COG5: variants seen among roughly 807,000 people sequenced by gnomAD.
The protein encoded by COG5 is component of oligomeric golgi complex 5, also known as conserved oligomeric Golgi complex subunit 5.
A neutral mutation model predicts 110.4 loss-of-function variants in COG5; 86 were observed. The observed-to-expected ratio is 0.78, with a 90% CI of 0.65 to 0.93. The LOEUF (loss-of-function observed/expected upper bound fraction) is 0.93. Among genes scored for constraint, COG5 ranks in the 40% least tolerant of loss-of-function variants. COG5 has a pLI of 0.00. For synonymous variants in COG5, 360 were observed against 334.6 expected, an observed-to-expected ratio of 1.08 and a Z score of -0.83; for missense variants, 1,077 against 987.0, an observed-to-expected ratio of 1.09 and a Z score of -1.22.
At chr7:107,302,940 CA>C (rs1448321959) in intron 11 of COG5, among the ~76,000 whole-genome samples, 1 of 152,190 alleles carries the variant, frequency 6.6e-6, no homozygotes, top group Non-Finnish European at 1.5e-5. Flanking sequence ...AAGTTCTAAA[CA>C]TATTTGTTTG....
chr7:107,324,524 G>GT lies in COG5; in HGVS notation c.1027-4dup. ...TAGAAAATTTCCGGTTGTCCATCCT[G>GT]TGAAGAACAAACAAAAATTTTTTAA... On this transcript the variant is annotated splice_region_variant and splice_polypyrimidine_tract_variant and intron_variant, in intron 10 of 21. Coordinates refer to ENST00000297135, the MANE Select transcript of COG5 (RefSeq NM_006348.5). The GT allele has an allele frequency of 1.3e-6, 2 of 1,589,092 alleles. No individual in the cohort carries two copies. Among genetic ancestry groups the GT allele is most frequent in the African/African-American group, 1.3e-5 (1 of 74,520 alleles).
chr7:107,411,713 A>T (rs6970248), intron 7 of COG5, among the ~76,000 whole-genome samples: 5,109 of 152,266 alleles, frequency 0.034, 296 homozygotes, highest in African/African-American at 0.12. Flanking sequence ...CAGAAGTCAA[A>T]TAAGTACCTT....
intron 11 of COG5, among the ~76,000 whole-genome samples, chr7:107,309,036 C>T (rs1807983121): frequency 6.9e-6 from 1 of 145,678 alleles, no homozygotes; most frequent in African/African-American, 2.5e-5. Context: ...GTGGAAAGAC[C>T]ACAACATAAG....
chr7:107,563,884 C>A lies in COG5; in HGVS notation c.13G>T (p.Gly5Cys). Residue 5 changes from glycine (G) to cysteine (C), a missense_variant, in exon 1 of 22, where the codon GGC becomes TGC. Gly to Cys is a radical substitution (Grantham distance 159). Coordinates refer to ENST00000297135, the MANE Select transcript of COG5 (RefSeq NM_006348.5). The part of the protein sequence containing the change: MEGG[G>C]GSVAVAGLGA... ...AGGCCAGCTACAGCGACGCTGCCGCCGCCACCTTCCATGTTGGCAGGTGCC... is the reference window on the plus strand; with the variant it reads ...AGGCCAGCTACAGCGACGCTGCCGCAGCCACCTTCCATGTTGGCAGGTGCC... 1 of 1,613,752 alleles carries A rather than the reference C, an allele frequency of 6.2e-7. No homozygotes were observed. The highest frequency in any genetic ancestry group is 8.5e-7 in the Non-Finnish European group (1 of 1,179,962).
At position 107,496,533 on chromosome 7, in the gene COG5, G is replaced by A. The variant is rs371628945; in HGVS notation, c.538+30704C>T. On this transcript the variant is annotated intron_variant, in intron 6 of 21. Coordinates refer to ENST00000297135, the MANE Select transcript of COG5 (RefSeq NM_006348.5). ...AAATTAGCTGGGTTTGATGGTATGC[G>A]CCTATAATCCCAGCTACTTGGGAGG... Among the ~76,000 whole-genome samples, 8 of 151,764 alleles carry A rather than the reference G, an allele frequency of 5.3e-5. 1 individual carries two copies. In the South Asian group the frequency reaches 6.2e-4, roughly 12 times the overall value.
Position 107,324,532 on chromosome 7 carries a change from C to T in COG5, c.1027-11G>A, listed in dbSNP as rs1036812663. The T allele has an allele frequency of 6.4e-7, 1 of 1,564,298 alleles. No individual in the cohort carries two copies. Among genetic ancestry groups the T allele is most frequent in the Non-Finnish European group, 8.7e-7 (1 of 1,144,098 alleles). Reference sequence around the variant, plus strand: ...TTCCGGTTGTCCATCCTGTGAAGAACAAACAAAAATTTTTTAAAAATAAAA... The same window carrying T: ...TTCCGGTTGTCCATCCTGTGAAGAATAAACAAAAATTTTTTAAAAATAAAA... On this transcript the variant is annotated splice_polypyrimidine_tract_variant and intron_variant, in intron 10 of 21. Coordinates refer to ENST00000297135, the MANE Select transcript of COG5 (RefSeq NM_006348.5).
chr7:107,389,322 A>G (rs1338438726), intron 7 of COG5, among the ~76,000 whole-genome samples: 1 of 150,376 alleles, frequency 6.6e-6, no homozygotes, highest in East Asian at 1.9e-4. Flanking sequence ...GGGTCCCTCA[A>G]TAATGGCACA....
chr7:107,558,149 A>C (rs781664700), intron 1 of COG5, 34 bp from the exon 2 acceptor site: 41 of 1,603,160 alleles, frequency 2.6e-5, no homozygotes, highest in Non-Finnish European at 3.5e-5. Flanking sequence ...AAAGTCCTTA[A>C]TTACCCTGTA....
chr7:107,299,520 T>C (rs1807054923), intron 11 of COG5, among the ~76,000 whole-genome samples: 1 of 152,182 alleles, frequency 6.6e-6, no homozygotes, highest in Admixed American at 6.5e-5. Flanking sequence ...ACTTGTTGAT[T>C]CTTTTAGTTA....
At chr7:107,500,835 A>G (rs1360821599) in intron 6 of COG5, among the ~76,000 whole-genome samples, 4 of 151,920 alleles carry the variant, frequency 2.6e-5, no homozygotes, top group Admixed American at 1.3e-4. Flanking sequence ...ATTTTACTGA[A>G]TATGTTTCTG....
chr7:107,242,273 C>T (rs947102355), intron 17 of COG5, among the ~76,000 whole-genome samples: 3 of 152,212 alleles, frequency 2.0e-5, no homozygotes, highest in African/African-American at 7.2e-5. Context: ...CAGGACAACG[C>T]CTCACCCGGG....
chr7:107,362,170 A>G (rs1813176568), intron 9 of COG5, 60 bp from the exon 10 acceptor site: 2 of 1,391,212 alleles, frequency 1.4e-6, no homozygotes, highest in Non-Finnish European at 2.0e-6. Flanking sequence ...GGAAATGGCA[A>G]CCTTTACGTA....
At chr7:107,514,831 G>A (rs1407656770) in intron 6 of COG5, among the ~76,000 whole-genome samples, 1 of 152,050 alleles carries the variant, frequency 6.6e-6, no homozygotes, top group Non-Finnish European at 1.5e-5. Context: ...AATGACCAAA[G>A]TTTTTTTTAT....
intron 13 of COG5, among the ~76,000 whole-genome samples, chr7:107,282,687 A>AATTTTTGT (rs1295367226): frequency 1.3e-5 from 2 of 151,900 alleles, no homozygotes; most frequent in Non-Finnish European, 2.9e-5. Context: ...AGGCCCAGCT[A>AATTTTTGT]ATTTTTGTAT....
rs112235953 is a variant in COG5 at position 107,272,767 on chromosome 7, A to G, written c.1575+8533T>C. ...AGAAAGAGGATTTTTCTTAATTCCC[A>G]TTACAGCGAGAATCTTTCCATGTCA... On this transcript the variant is annotated intron_variant, in intron 14 of 21. Transcript: ENST00000297135. Among the ~76,000 whole-genome samples, 1,307 of 152,278 alleles carry G rather than the reference A, an allele frequency of 8.6e-3. 23 individuals carry two copies. The highest frequency in any genetic ancestry group is 0.03 in the African/African-American group (1,232 of 41,566).
intron 14 of COG5, among the ~76,000 whole-genome samples, chr7:107,269,657 A>G (rs1269806100): frequency 6.6e-6 from 1 of 152,012 alleles, no homozygotes; most frequent in Non-Finnish European, 1.5e-5. Flanking sequence ...AGTCACTATT[A>G]TTTCTTATTT....
chr7:107,203,281 G>C lies in COG5; in HGVS notation c.*235C>G. The C allele has an allele frequency of 1.8e-6, 1 of 544,746 alleles. No individual in the cohort carries two copies. Among genetic ancestry groups the C allele is most frequent in the Non-Finnish European group, 3.3e-6 (1 of 304,348 alleles). 33.7% of individuals were successfully genotyped at this position (544,746 alleles called of 1,614,324 possible). A position where few individuals can be genotyped will look rare whatever the true frequency, so the allele number is the denominator to read the frequency against. On this transcript the variant is annotated 3_prime_UTR_variant, in exon 22 of 22. Coordinates refer to ENST00000297135, the MANE Select transcript of COG5 (RefSeq NM_006348.5). ...TTTAGCCTTGTACAAAAATCTGAAAGAGGAAAACATCTTTCTGGAAAAATC... is the reference window on the plus strand; with the variant it reads ...TTTAGCCTTGTACAAAAATCTGAAACAGGAAAACATCTTTCTGGAAAAATC...
chr7:107,381,834 C>T (rs1433641652), intron 7 of COG5, among the ~76,000 whole-genome samples: 1 of 152,112 alleles, frequency 6.6e-6, no homozygotes, highest in Non-Finnish European at 1.5e-5. Flanking sequence ...GTCAAGGAAA[C>T]TTATTTTATA....
intron 14 of COG5, among the ~76,000 whole-genome samples, chr7:107,268,792 G>A (rs1208479267): frequency 2.0e-5 from 3 of 151,998 alleles, no homozygotes; most frequent in East Asian, 1.9e-4. Flanking sequence ...TGTTAATATC[G>A]TTATGTCAGC....
Sources: gnomAD v4.1 joint callset for allele counts (sites outside exome capture counted in the v4.1 genomes callset) on GRCh38, gnomAD v4.1.1 for gene constraint, MANE v1.5 for transcripts, NCBI Gene and HGNC (gene_info 2026-07-23, HGNC 2026-07-21) for gene names.